ALLC: variants seen among roughly 807,000 people sequenced by gnomAD.
The protein encoded by ALLC is allantoicase, also known as probable inactive allantoicase.
ALLC carries 40 observed loss-of-function variants against 45.0 expected under a neutral mutation model. The ratio of observed to expected loss-of-function variants is 0.89; its 90% CI spans 0.69 to 1.16. The LOEUF is 1.16. Ranked by LOEUF, ALLC falls within the 50% of genes most tolerant of loss-of-function variation. The probability of loss-of-function intolerance (pLI) is 0.00; values close to 1 mark genes in which losing one functional copy is unlikely to be tolerated. For synonymous variants in ALLC, 176 were observed against 178.1 expected (o/e 0.99, Z 0.09); for missense variants, 488 against 493.1 (o/e 0.99, Z 0.10).
At chr2:3,700,986 A>G (rs1357061169) in intron 10 of ALLC, among the ~76,000 whole-genome samples, 2 of 152,192 alleles carry the variant, frequency 1.3e-5, no homozygotes, top group Non-Finnish European at 2.9e-5. Context: ...CCAAAGAGAG[A>G]AGAATCTCAG....
At chr2:3,652,093 G>A in the ALLC span, among the ~76,000 whole-genome samples, 1 of 152,258 alleles carries the variant, frequency 6.6e-6, no homozygotes, top group Non-Finnish European at 1.5e-5. Flanking sequence ...CGTTTTGGGA[G>A]CTCGCAGGAA....
Position 3,696,940 on chromosome 2 carries a change from T to C in ALLC, c.742-408T>C, listed in dbSNP as rs140563746. Among the ~76,000 whole-genome samples the C allele has an allele frequency of 5.5e-3, 841 of 152,300 alleles. 8 individuals are homozygous for C. The highest frequency in any genetic ancestry group is 0.019 in the African/African-American group (796 of 41,568). On this transcript the variant is annotated intron_variant, in intron 9 of 11. Coordinates refer to ENST00000252505, the MANE Select transcript of ALLC (RefSeq NM_018436.4). Reference sequence around the variant, plus strand: ...TGCTTTGAGATATCAATGAACAGACTCTCCGTTCTCAAAACTAAGGTTTGA... The same window carrying C: ...TGCTTTGAGATATCAATGAACAGACCCTCCGTTCTCAAAACTAAGGTTTGA...
Position 3,674,247 on chromosome 2 carries a change from A to G in ALLC, c.84+122A>G, listed in dbSNP as rs184722948. On this transcript the variant is annotated intron_variant, in intron 3 of 11. Coordinates refer to ENST00000252505, the MANE Select transcript of ALLC (RefSeq NM_018436.4). ...ATGTGATGTACACTGGCAAATTAGC[A>G]TATTAGAATGTTAGAAAGACATGCA... 6 of 738,394 alleles carry G rather than the reference A, an allele frequency of 8.1e-6. No individual in the cohort carries two copies. The East Asian group carries it at 1.1e-4, about 13-fold the overall frequency. The allele number at this position is 738,394 out of a possible 1,614,324, so 45.7% of individuals were successfully genotyped here. A position where few individuals can be genotyped will look rare whatever the true frequency, so the allele number is the denominator to read the frequency against.
chr2:3,677,116 A>T (rs1348597800), intron 3 of ALLC, among the ~76,000 whole-genome samples: 2 of 152,090 alleles, frequency 1.3e-5, no homozygotes, highest in African/African-American at 4.8e-5. Context: ...AGGAACACAC[A>T]TTTTTAAGGA....
Position 3,702,375 on chromosome 2 carries a change from C to T in ALLC, c.988C>T (p.Gln330Ter). The change falls in exon 12 of 12, where the codon CAA (glutamine) becomes TAA (stop). Residue 330 changes from glutamine to a stop codon, truncating the protein, a stop_gained. Transcript: ENST00000252505. LOFTEE classifies it high-confidence loss of function. ...LLPVTKLSPN[Q>*]SHLFDSLTLE... ...GCTTGCTTTTCAGTTGTCTCCCAACCAAAGTCATCTGTTCGATAGCCTGAC... is the reference window on the plus strand; with the variant it reads ...GCTTGCTTTTCAGTTGTCTCCCAACTAAAGTCATCTGTTCGATAGCCTGAC... 6.2e-7 allele frequency: 1 copy of T among 1,613,066 alleles called. No individual in the cohort carries two copies. Among genetic ancestry groups the T allele is most frequent in the Non-Finnish European group, 8.5e-7 (1 of 1,179,718 alleles).
intron 9 of ALLC, 46 bp downstream of exon 9, chr2:3,696,394 A>AT (rs541577905): frequency 2.0e-6 from 3 of 1,511,492 alleles, no homozygotes; most frequent in Non-Finnish European, 2.7e-6. Flanking sequence ...TCTTAAAAGT[A>AT]TTTTTTGGAA....
chr2:3,671,154 G>A lies in ALLC; in HGVS notation c.-4G>A. The stretch of plus-strand genomic sequence containing the variant: ...TGACCCGGTTTCTGGACTTCACCCA[G>A]CTGATGGACATGGCATCTGAATCCG... On this transcript the variant is annotated 5_prime_UTR_variant, in exon 2 of 12. Coordinates refer to ENST00000252505, the MANE Select transcript of ALLC (RefSeq NM_018436.4). The A allele has an allele frequency of 6.2e-7, 1 of 1,611,198 alleles. No homozygotes were observed.
At chr2:3,651,430 TGTGTGTGTGTGTTAGG>T in the ALLC span, among the ~76,000 whole-genome samples, 555 of 59,668 alleles carry the variant, frequency 9.3e-3, 22 homozygotes, top group Admixed American at 0.014. Context: ...TGTGTGTGTG[TGTGTGTGTGTGTTAGG>T]AAGGGAGACG....
chr2:3,694,632 C>G (rs1229468407), intron 7 of ALLC: 1 of 152,216 alleles, frequency 6.6e-6, no homozygotes, highest in African/African-American at 2.4e-5. Flanking sequence ...TGATATTACT[C>G]TCATAACCCG....
At chr2:3,672,087 G>GGTTAGATGGGAGGTCCTCTGGCTC (rs1666892264) in intron 2 of ALLC, among the ~76,000 whole-genome samples, 1 of 67,970 alleles carries the variant, frequency 1.5e-5, no homozygotes, top group Non-Finnish European at 3.0e-5. Flanking sequence ...TCCTCTGGCT[G>GGTTAGATGGGAGGTCCTCTGGCTC]TGGTTAGATC....
At chr2:3,646,959 T>C in the ALLC span, among the ~76,000 whole-genome samples, 2 of 151,924 alleles carry the variant, frequency 1.3e-5, no homozygotes, top group South Asian at 4.2e-4. Context: ...GCAGGTCATC[T>C]CACTGAATGG....
chr2:3,663,743 A>G (rs761948145), intron 1 of ALLC, among the ~76,000 whole-genome samples: 2 of 152,230 alleles, frequency 1.3e-5, no homozygotes, highest in Admixed American at 6.5e-5. Flanking sequence ...AAAAATTGAT[A>G]TTACCTCTAA....
the ALLC span, among the ~76,000 whole-genome samples, chr2:3,649,793 G>A: frequency 5.3e-5 from 8 of 152,262 alleles, no homozygotes; most frequent in African/African-American, 1.9e-4. Flanking sequence ...GCACACGTGT[G>A]GACGCGGGAG....
chr2:3,692,342 C>G (rs1402913979), intron 7 of ALLC, among the ~76,000 whole-genome samples: 1 of 152,164 alleles, frequency 6.6e-6, no homozygotes, highest in Non-Finnish European at 1.5e-5. Context: ...ATAAAATGCC[C>G]TAACACTAAC....
rs577914634 is a variant in ALLC, at chr2:3,658,644, G to T, written c.-63+350G>T. The stretch of plus-strand genomic sequence containing the variant: ...GTACTTTGGGAGGCCGAGGTGGGTG[G>T]ATTGCTTGAGTTGAGGAGTTTGAGA... On this transcript the variant is annotated intron_variant, in intron 1 of 11. Transcript: ENST00000252505. Among the ~76,000 whole-genome samples the T allele has an allele frequency of 1.3e-5, 2 of 152,222 alleles. 1 individual carries two copies. The highest frequency in any genetic ancestry group is 3.9e-4 in the East Asian group (2 of 5,174).
In ALLC at chr2:3,682,804, C is replaced by T. The variant is rs1487036761; in HGVS notation, c.379-138C>T. On this transcript the variant is annotated intron_variant, in intron 6 of 11. Transcript: ENST00000252505. The stretch of plus-strand genomic sequence containing the variant: ...CCTCCCAAGGTGCTGGGATTACAGG[C>T]GTGAGCCACCGTGCCCGGCATCCAT... 10 of 847,378 alleles carry T rather than the reference C, an allele frequency of 1.2e-5. No homozygotes were observed. In the African/African-American group the frequency reaches 1.5e-4, roughly 13 times the overall value. The allele number at this position is 847,378 out of a possible 1,614,324, so 52.5% of individuals were successfully genotyped here. A position where few individuals can be genotyped will look rare whatever the true frequency, so the allele number is the denominator to read the frequency against.
intron 3 of ALLC, among the ~76,000 whole-genome samples, chr2:3,674,640 G>A (rs1666975395): frequency 6.6e-6 from 1 of 152,196 alleles, no homozygotes; most frequent in Non-Finnish European, 1.5e-5. Flanking sequence ...CCCACGTACA[G>A]CATTCATGAC....
At chr2:3,685,311 C>G (rs924709296) in intron 7 of ALLC, among the ~76,000 whole-genome samples, 2 of 143,346 alleles carry the variant, frequency 1.4e-5, no homozygotes, top group African/African-American at 4.9e-5. Context: ...GGGTAACTTA[C>G]AAACAAAAGA....
At chr2:3,674,953 C>T (rs867495106) in intron 3 of ALLC, among the ~76,000 whole-genome samples, 8 of 152,168 alleles carry the variant, frequency 5.3e-5, no homozygotes, top group East Asian at 1.9e-4. Context: ...AGATTTACAT[C>T]GTTTGCACAA....
Sources: allele counts gnomAD v4.1 joint callset (sites outside exome capture counted in the v4.1 genomes callset), GRCh38; gene constraint gnomAD v4.1.1; transcripts MANE v1.5; gene names NCBI Gene and HGNC (gene_info 2026-07-23, HGNC 2026-07-21).